CLUH: variants seen among roughly 807,000 people sequenced by gnomAD.
CLUH encodes the protein CLUH binding protein of NUMT mRNA.
CLUH carries 77 observed loss-of-function variants against 139.3 expected under a neutral mutation model. That is an observed-to-expected ratio of 0.55 (90% CI 0.46 to 0.67). The LOEUF (loss-of-function observed/expected upper bound fraction) is 0.67. Among genes scored for constraint, CLUH ranks in the 30% least tolerant of loss-of-function variants. The pLI is 0.00. For synonymous variants in CLUH, 999 were observed against 801.6 expected, an observed-to-expected ratio of 1.25 and a Z score of -4.16; for missense variants, 1,876 against 1,875.8, an observed-to-expected ratio of 1.00 and a Z score of 0.00.
In CLUH at chr17:2,703,264, G is replaced by A. The variant is rs1024260047; in HGVS notation, c.475+54C>T. The A allele has an allele frequency of 6.5e-7, 1 of 1,545,486 alleles. No homozygotes were observed. The highest frequency in any genetic ancestry group is 1.4e-5 in the African/African-American group (1 of 73,452). ...GACCCTGGCATGGATGGTGCTGCCT[G>A]CCTCTGCCTCCGTGGGCCCTCCCCC... On this transcript the variant is annotated intron_variant, in intron 3 of 25. Transcript: ENST00000651024. This position sits in a 1 kb window ranked among gnomAD's most constrained non-coding sequence, Gnocchi z 4.2.
rs201814829 is a variant in CLUH at position 2,692,548 on chromosome 17, C to A, written c.3438+23G>T. The A allele has an allele frequency of 4.2e-5, 67 of 1,602,242 alleles. No individual in the cohort carries two copies. In the African/African-American group the frequency reaches 8.8e-4, roughly 21 times the overall value. On this transcript the variant is annotated intron_variant, in intron 21 of 25. Coordinates refer to ENST00000651024, the MANE Select transcript of CLUH (RefSeq NM_001366661.1). ...CCCTGGGATGGAGCTGGGTCCCTGC[C>A]GCCCCCCCGCCCCAGCACTCACGTC...
Position 2,696,279 on chromosome 17 carries a change from G to A in CLUH, c.2291-20C>T, listed in dbSNP as rs370043896. ...GAACCCCTGGAGGAGGGAGAGCAGAGAGGCTGAGCCAGGCAGTGGCAAGAC... is the reference window on the plus strand; with the variant it reads ...GAACCCCTGGAGGAGGGAGAGCAGAAAGGCTGAGCCAGGCAGTGGCAAGAC... On this transcript the variant is annotated intron_variant, in intron 12 of 25. Transcript: ENST00000651024. 5.6e-5 allele frequency: 88 copies of A among 1,558,066 alleles called. No homozygotes were observed. The African/African-American group carries it at 1.1e-3, about 19-fold the overall frequency.
rs762261578 is a variant in CLUH, at chr17:2,692,518, C to T, written c.3439-36G>A. On this transcript the variant is annotated intron_variant, in intron 21 of 25. Coordinates refer to ENST00000651024, the MANE Select transcript of CLUH (RefSeq NM_001366661.1). ...GCGGTGGGGGGCCCTGGTCAGCTCCCGGTCCCCTGGGATGGAGCTGGGTCC... is the reference window on the plus strand; with the variant it reads ...GCGGTGGGGGGCCCTGGTCAGCTCCTGGTCCCCTGGGATGGAGCTGGGTCC... The T allele has an allele frequency of 1.5e-5, 24 of 1,597,908 alleles. No homozygotes were observed. The African/African-American group carries it at 2.4e-4, about 16-fold the overall frequency.
intron 23 of CLUH, 26 bp downstream of exon 23, chr17:2,691,978 G>GCCCCGCCCCCGCCCCGCCCCCGCCCCGC (rs1555529512): frequency 2.1e-6 from 1 of 485,656 alleles, no homozygotes; most frequent in Admixed American, 1.2e-4. Flanking sequence ...CCCCGCCCCC[G>GCCCCGCCCCCGCCCCGCCCCCGCCCCGC]CCCCCGCCAC....
rs186952473 is a variant in CLUH, at chr17:2,701,859, C to T, written c.619+55G>A. ...CCCCTCGGCCCCTTCTCCAGCCCCC[C>T]ACCTCCGTGCTCCCCGCCCTTTGGC... On this transcript the variant is annotated intron_variant, in intron 4 of 25. Transcript: ENST00000651024. 127 of 1,606,890 alleles carry T rather than the reference C, an allele frequency of 7.9e-5. No homozygotes were observed. In the African/African-American group the frequency reaches 1.3e-3, roughly 17 times the overall value.
chr17:2,698,262 C>T lies in CLUH; in HGVS notation c.1595G>A (p.Arg532Gln), dbSNP rs752313367. The change falls in exon 10 of 26, where the codon CGG becomes CAG. Residue 532 changes from arginine to glutamine, a missense_variant. Coordinates refer to ENST00000651024, the MANE Select transcript of CLUH (RefSeq NM_001366661.1). ...GTAGATGACGCTCTGCTCCTGGTCC[C>T]GCTCCAGGATGCCGGGGATGATGGA... ...AQSIIPGILE[R>Q]DQEQSVIYGS... The T allele has an allele frequency of 6.2e-6, 10 of 1,608,362 alleles. No individual in the cohort carries two copies. Among genetic ancestry groups the T allele is most frequent in the Non-Finnish European group, 7.6e-6 (9 of 1,178,014 alleles).
Position 2,694,563 on chromosome 17 carries a change from C to A in CLUH, c.2854G>T (p.Glu952Ter). The change falls in exon 17 of 26, where the codon GAG becomes TAG. Residue 952 changes from glutamate to a stop codon, truncating the protein, a stop_gained and splice_region_variant. Coordinates refer to ENST00000651024, the MANE Select transcript of CLUH (RefSeq NM_001366661.1). LOFTEE classifies it high-confidence loss of function. ...GTCTCCACAGCCTGGTCCACGGTCT[C>A]ACTGAGGAGGGAGCAGGGGGCCTGA... Reference protein sequence around the residue: ...KNYFDFDLECETVDQAVETYG... With the variant: ...KNYFDFDLEC 6.4e-7 allele frequency: 1 copy of A among 1,573,900 alleles called. No individual in the cohort carries two copies. The highest frequency in any genetic ancestry group is 1.2e-5 in the South Asian group (1 of 85,490).
intron 9 of CLUH, 84 bp from the exon 10 acceptor site, chr17:2,698,674 G>GCGGAGGCAAC: frequency 1.6e-6 from 2 of 1,289,478 alleles, no homozygotes; most frequent in Non-Finnish European, 2.1e-6. Context: ...CACCTAGACC[G>GCGGAGGCAAC]CGGAGGCAAC....
chr17:2,696,026 G>A (rs180724192), intron 13 of CLUH, 133 bp downstream of exon 13: 182 of 719,668 alleles, frequency 2.5e-4, no homozygotes, highest in East Asian at 1.3e-3. Context: ...TCTGTCAAAC[G>A]GGGATGCCCA....
rs1362484641 is a variant in CLUH, at chr17:2,700,361, G to C, written c.1266+21C>G. ...GTGGACAGCGGGCCTCAGACTGCCG[G>C]TCAGCAGAGGCTGCAGGCACCTTGA... is the stretch of plus-strand genomic sequence containing the variant. On this transcript the variant is annotated intron_variant, in intron 9 of 25. Transcript: ENST00000651024. 3.1e-6 allele frequency: 5 copies of C among 1,605,528 alleles called. No homozygotes were observed. In the African/African-American group the frequency reaches 5.3e-5, roughly 17 times the overall value.
In CLUH at chr17:2,697,401, G is replaced by GA. The variant is rs79574930; in HGVS notation, c.1962-460dup. On this transcript the variant is annotated intron_variant, in intron 10 of 25. Transcript: ENST00000651024. ...GCGACAAGAGTGAAACTCCGTCTCA[G>GA]AAAAAAAAAAAAAAAGGCAGCTGCG... 4.8e-3 allele frequency among the ~76,000 whole-genome samples: 583 copies of GA among 121,694 alleles called. 1 individual carries two copies. The highest frequency in any genetic ancestry group is 0.013 in the Middle Eastern group (3 of 232). 79.8% of individuals were successfully genotyped at this position (121,694 alleles called of 152,430 possible). A position where few individuals can be genotyped will look rare whatever the true frequency, so the allele number is the denominator to read the frequency against.
At chr17:2,701,816 G>A (rs1162747150) in intron 4 of CLUH, 79 bp from the exon 5 acceptor site, 110 of 1,572,200 alleles carry the variant, frequency 7.0e-5, no homozygotes, top group East Asian at 2.5e-4. Context: ...GCCGTGGTCC[G>A]GGTGCCTCAG....
intron 1 of CLUH, among the ~76,000 whole-genome samples, chr17:2,709,079 T>C (rs2070437284): frequency 6.6e-6 from 1 of 152,150 alleles, no homozygotes; most frequent in African/African-American, 2.4e-5. Flanking sequence ...AGCACACCCT[T>C]GCCCCGGCCT....
intron 13 of CLUH, 143 bp from the exon 14 acceptor site, chr17:2,695,669 C>T (rs996777373): frequency 4.4e-6 from 5 of 1,142,062 alleles, no homozygotes; most frequent in Admixed American, 5.7e-5. Context: ...TCAGAATGTG[C>T]CCAGCCTCTG....
In CLUH at chr17:2,701,151, C is replaced by T; in HGVS notation, c.1014G>A (p.Leu338=). The part of the protein sequence containing the change: ...SPTFKKNFAV[L]QKKRVQRHPF... ...GACAAAGGCACTACCTTTTCTTCTG[C>T]AGCACAGCGAAGTTCTTCTTGAAGG... The change falls in exon 7 of 26, where the codon CTG becomes CTA. Residue 338 remains leucine, a synonymous_variant. Coordinates refer to ENST00000651024, the MANE Select transcript of CLUH (RefSeq NM_001366661.1). 1 of 1,613,964 alleles carries T rather than the reference C, an allele frequency of 6.2e-7. No homozygotes were observed. The highest frequency in any genetic ancestry group is 8.5e-7 in the Non-Finnish European group (1 of 1,179,892).
At chr17:2,697,201 C>T (rs1161353179) in intron 10 of CLUH, among the ~76,000 whole-genome samples, 1 of 152,140 alleles carries the variant, frequency 6.6e-6, no homozygotes, top group Non-Finnish European at 1.5e-5. Context: ...AGTTCGAGAC[C>T]AGCCTGACCA....
rs553783116 is a variant in CLUH, at chr17:2,698,602, C to A, written c.1267-12G>T. On this transcript the variant is annotated splice_polypyrimidine_tract_variant and intron_variant, in intron 9 of 25. Coordinates refer to ENST00000651024, the MANE Select transcript of CLUH (RefSeq NM_001366661.1). Reference sequence around the variant, plus strand: ...AAGTCGCTGTGCACCTGGCGGGGGTCGAGGAGGGCAGGGTTAGAGGCCGCG... The same window carrying A: ...AAGTCGCTGTGCACCTGGCGGGGGTAGAGGAGGGCAGGGTTAGAGGCCGCG... 5.3e-5 allele frequency: 84 copies of A among 1,577,178 alleles called. 1 individual carries two copies. The East Asian group carries it at 1.2e-3, about 23-fold the overall frequency.
chr17:2,693,661 G>A (rs759354033), intron 19 of CLUH, among the ~76,000 whole-genome samples: 3 of 152,246 alleles, frequency 2.0e-5, no homozygotes, highest in East Asian at 3.9e-4. Context: ...CCTTGCTGAC[G>A]CCCTGTGGGG....
In CLUH at chr17:2,698,308, C is replaced by A; in HGVS notation, c.1549G>T (p.Gly517Cys). ...ATGGACTGGGCCGTGACCCGGTAGCCGCGGTAATCCACCACCACCGTGCCC... is the reference window on the plus strand; with the variant it reads ...ATGGACTGGGCCGTGACCCGGTAGCAGCGGTAATCCACCACCACCGTGCCC... The part of the protein sequence containing the change: ...TLGTVVVDYR[G>C]YRVTAQSIIP... Residue 517 changes from glycine (G) to cysteine (C), a missense_variant, in exon 10 of 26, where the codon GGC (glycine) becomes TGC (cysteine). Around this residue, in one of 3 missense-constraint regions of CLUH, gnomAD observed 1,454 missense variants for 1,384.4 expected, o/e 1.05. Coordinates refer to ENST00000651024, the MANE Select transcript of CLUH (RefSeq NM_001366661.1). 1 of 1,612,680 alleles carries A rather than the reference C, an allele frequency of 6.2e-7. No individual in the cohort carries two copies. The highest frequency in any genetic ancestry group is 8.5e-7 in the Non-Finnish European group (1 of 1,179,642).
Sources: allele counts gnomAD v4.1 joint callset (sites outside exome capture counted in the v4.1 genomes callset), GRCh38; gene constraint gnomAD v4.1.1; regional missense constraint gnomAD v4.1.1; non-coding constraint Gnocchi (gnomAD v3.1); transcripts MANE v1.5; gene names NCBI Gene and HGNC (gene_info 2026-07-23, HGNC 2026-07-21).